The following GPATCH2 variants were observed in gnomAD, a reference collection of about 807,000 sequenced individuals.
GPATCH2 encodes G-patch domain containing 2.
A neutral mutation model predicts 58.0 loss-of-function variants in GPATCH2; 51 were observed. The observed-to-expected ratio is 0.88, with a 90% confidence interval of 0.70 to 1.11. GPATCH2 has a LOEUF of 1.11. Ranked by LOEUF, GPATCH2 falls within the 50% of genes most tolerant of loss-of-function variation. The pLI, the probability that GPATCH2 is intolerant of heterozygous loss-of-function variation, is 0.00. For synonymous variants in GPATCH2, 222 were observed against 218.5 expected (o/e 1.02, Z -0.14); for missense variants, 625 against 652.2 (o/e 0.96, Z 0.45).
At chr1:217,463,219 A>G (rs890004890) in intron 8 of GPATCH2, among the ~76,000 whole-genome samples, 2 of 152,198 alleles carry the variant, frequency 1.3e-5, no homozygotes, top group African/African-American at 2.4e-5. Context: ...TATTCTACAA[A>G]CTAAAATATG....
chr1:217,526,266 C>T (rs912624693), intron 5 of GPATCH2, among the ~76,000 whole-genome samples: 1 of 152,148 alleles, frequency 6.6e-6, no homozygotes, highest in African/African-American at 2.4e-5. Context: ...AAACAAAACA[C>T]TTAAAATATT....
intron 1 of GPATCH2, among the ~76,000 whole-genome samples, chr1:217,628,143 G>A (rs1235195522): frequency 1.3e-5 from 2 of 152,002 alleles, no homozygotes; most frequent in Non-Finnish European, 2.9e-5. Flanking sequence ...GAAGCATACT[G>A]CTTGACACAT....
At chr1:217,614,457 T>C (rs143078759) in intron 2 of GPATCH2, among the ~76,000 whole-genome samples, 1 of 151,860 alleles carries the variant, frequency 6.6e-6, no homozygotes, top group Non-Finnish European at 1.5e-5. Context: ...TGCAACGAGA[T>C]GCTGACACAA....
At chr1:217,525,221 T>G (rs1341669387) in intron 5 of GPATCH2, among the ~76,000 whole-genome samples, 1 of 151,958 alleles carries the variant, frequency 6.6e-6, no homozygotes. Flanking sequence ...AGTCCCATTA[T>G]CTTGCCTGCT....
chr1:217,604,229 T>G (rs1668250920), intron 5 of GPATCH2, among the ~76,000 whole-genome samples: 1 of 151,540 alleles, frequency 6.6e-6, no homozygotes, highest in African/African-American at 2.4e-5. Context: ...CACACAAATG[T>G]AGTCTCAGTT....
chr1:217,547,106 G>A (rs1665094073), intron 5 of GPATCH2, among the ~76,000 whole-genome samples: 1 of 152,188 alleles, frequency 6.6e-6, no homozygotes, highest in South Asian at 2.1e-4. Flanking sequence ...GCTCACACCT[G>A]TAATTCCAGC....
At chr1:217,595,202 G>A (rs1433552162) in intron 5 of GPATCH2, among the ~76,000 whole-genome samples, 1 of 151,998 alleles carries the variant, frequency 6.6e-6, no homozygotes, top group Non-Finnish European at 1.5e-5. Flanking sequence ...CCAAATATGT[G>A]GCTTGAATTA....
intron 8 of GPATCH2, among the ~76,000 whole-genome samples, chr1:217,488,823 C>G (rs569121378): frequency 6.6e-6 from 1 of 151,932 alleles, no homozygotes; most frequent in African/African-American, 2.4e-5. Flanking sequence ...TGCTGTGTAG[C>G]TGGGACTACA....
intron 5 of GPATCH2, chr1:217,608,801 T>C: frequency 1.0e-6 from 1 of 984,742 alleles, no homozygotes; most frequent in Non-Finnish European, 1.2e-6. Context: ...AAAAGCTTAC[T>C]TACAATTACC....
chr1:217,585,366 T>C (rs977280950), intron 5 of GPATCH2, among the ~76,000 whole-genome samples: 1 of 152,138 alleles, frequency 6.6e-6, no homozygotes, highest in African/African-American at 2.4e-5. Flanking sequence ...CTCACGCCTA[T>C]AATCCCAGCG....
intron 6 of GPATCH2, among the ~76,000 whole-genome samples, chr1:217,503,760 A>G (rs1662416310): frequency 6.6e-6 from 1 of 152,100 alleles, no homozygotes; most frequent in South Asian, 2.1e-4. Flanking sequence ...GAGTTTCTCA[A>G]GTAGCAGTCA....
chr1:217,454,507 T>G (rs1659835613), intron 8 of GPATCH2, among the ~76,000 whole-genome samples: 1 of 136,072 alleles, frequency 7.3e-6, no homozygotes, highest in Non-Finnish European at 1.5e-5. Context: ...GAGAATGGCG[T>G]GAACCCGGAA....
intron 8 of GPATCH2, among the ~76,000 whole-genome samples, chr1:217,461,197 T>C (rs868756036): frequency 1.3e-5 from 2 of 152,206 alleles, no homozygotes. Flanking sequence ...AAGTTATTTC[T>C]ATTTTGAAAT....
chr1:217,514,418 C>G (rs1041932206), intron 6 of GPATCH2, among the ~76,000 whole-genome samples: 10 of 152,182 alleles, frequency 6.6e-5, no homozygotes, highest in Non-Finnish European at 1.5e-4. Context: ...CCTGGCCTCC[C>G]AAAGTGCTGG....
At chr1:217,577,834 G>A (rs1362660417) in intron 5 of GPATCH2, among the ~76,000 whole-genome samples, 4 of 152,032 alleles carry the variant, frequency 2.6e-5, no homozygotes, top group African/African-American at 4.8e-5. Context: ...CGCAACCTCC[G>A]CCTCCCAGGT....
chr1:217,456,625 G>T (rs1659956683), intron 8 of GPATCH2, among the ~76,000 whole-genome samples: 1 of 152,172 alleles, frequency 6.6e-6, no homozygotes, highest in Admixed American at 6.5e-5. Context: ...CTGAAATTAT[G>T]TGCAAAATAC....
intron 5 of GPATCH2, among the ~76,000 whole-genome samples, chr1:217,560,123 G>C (rs1282193696): frequency 6.6e-6 from 1 of 152,148 alleles, no homozygotes; most frequent in Non-Finnish European, 1.5e-5. Context: ...GATTACAGGT[G>C]TGAGCCACCA....
intron 7 of GPATCH2, among the ~76,000 whole-genome samples, chr1:217,497,134 G>A (rs564011492): frequency 2.0e-5 from 3 of 152,206 alleles, no homozygotes; most frequent in African/African-American, 7.2e-5. Context: ...GGTAGAAAAT[G>A]AGCTTTATAA....
At chr1:217,532,274 C>A (rs1041716906) in intron 5 of GPATCH2, among the ~76,000 whole-genome samples, 1 of 152,180 alleles carries the variant, frequency 6.6e-6, no homozygotes, top group Non-Finnish European at 1.5e-5. Flanking sequence ...TCAGAAGCTG[C>A]ATATTAAATA....
Sources: gnomAD v4.1 joint callset for allele counts (sites outside exome capture counted in the v4.1 genomes callset) on GRCh38, gnomAD v4.1.1 for gene constraint, MANE v1.5 for transcripts, NCBI Gene and HGNC (gene_info 2026-07-23, HGNC 2026-07-21) for gene names.